Variants in ALG9 observed in about 807,000 individuals in gnomAD.
The protein encoded by ALG9 is ALG9 alpha-1,2-mannosyltransferase.
ALG9 carries 55 observed loss-of-function variants against 81.8 expected under a neutral mutation model. That is an observed-to-expected ratio of 0.67 (90% CI 0.54 to 0.84). The LOEUF is 0.84. Ranked by LOEUF, ALG9 falls within the 40% of genes least tolerant of loss-of-function variation. ALG9 has a pLI of 0.00. For synonymous variants in ALG9, 278 were observed against 274.3 expected, an observed-to-expected ratio of 1.01 and a Z score of -0.13; for missense variants, 629 against 745.0, an observed-to-expected ratio of 0.84 and a Z score of 1.81.
intron 8 of ALG9, among the ~76,000 whole-genome samples, chr11:111,848,396 G>C (rs1001942232): frequency 2.0e-5 from 3 of 151,946 alleles, no homozygotes; most frequent in East Asian, 1.9e-4. Flanking sequence ...GGAACAGTTC[G>C]TGACCAGCTT....
At chr11:111,865,365 T>G in intron 3 of ALG9, 114 bp from the exon 4 acceptor site, 1 of 795,288 alleles carries the variant, frequency 1.3e-6, no homozygotes, top group South Asian at 1.7e-5. Flanking sequence ...TATAATTCTT[T>G]TGAAAAGCAA....
At chr11:111,871,290 C>A in intron 1 of ALG9, 62 bp downstream of exon 1, 1 of 1,367,430 alleles carries the variant, frequency 7.3e-7, no homozygotes. Flanking sequence ...CTAAGACCCT[C>A]CCGGGGGCAG....
chr11:111,850,987 ACTCTTT>A (rs1555137504), intron 8 of ALG9, among the ~76,000 whole-genome samples: 1 of 152,030 alleles, frequency 6.6e-6, no homozygotes, highest in Non-Finnish European at 1.5e-5. Context: ...AGTCCCAAGG[ACTCTTT>A]CCCTGTTAAA....
chr11:111,820,900 C>A lies in ALG9; in HGVS notation c.1603-11127G>T, dbSNP rs531909795. Among the ~76,000 whole-genome samples the A allele has an allele frequency of 5.5e-5, 8 of 146,304 alleles. No individual in the cohort carries two copies. In the East Asian group the frequency reaches 1.5e-3, roughly 27 times the overall value. On this transcript the variant is annotated intron_variant, in intron 13 of 14. Transcript: ENST00000616540. ...AGACCAGCCTGGGAACATAGTGAGACCCTGTCTCCAAACACGCGCGCACAC... is the reference window on the plus strand; with the variant it reads ...AGACCAGCCTGGGAACATAGTGAGAACCTGTCTCCAAACACGCGCGCACAC...
intron 9 of ALG9, among the ~76,000 whole-genome samples, chr11:111,844,362 A>T (rs1956660296): frequency 6.6e-6 from 1 of 152,176 alleles, no homozygotes; most frequent in African/African-American, 2.4e-5. Flanking sequence ...AATTATATTG[A>T]CTTCCTCACT....
At chr11:111,857,825 T>C in intron 5 of ALG9, 88 bp from the exon 6 acceptor site, 1 of 1,452,974 alleles carries the variant, frequency 6.9e-7, no homozygotes, top group South Asian at 1.2e-5. Flanking sequence ...AAAATTTACC[T>C]ACATTATAAA....
At chr11:111,805,492 T>C (rs1949784758) in intron 14 of ALG9, among the ~76,000 whole-genome samples, 1 of 152,224 alleles carries the variant, frequency 6.6e-6, no homozygotes, top group South Asian at 2.1e-4. Context: ...AGAAATAAGC[T>C]ATTAAGCCAT....
chr11:111,865,240 A>G lies in ALG9; in HGVS notation c.417T>C (p.Phe139=). ...RILQTNKILV[F]YFLRCLLAFV... ...AAGCCAGAAGACATCGCAAAAAGTA[A>G]AACACAAGAATCTAAAAGAAACCCA... Residue 139 remains phenylalanine (F), a synonymous_variant, in exon 4 of 15, where the codon TTT becomes TTC. Coordinates refer to ENST00000616540, the MANE Select transcript of ALG9 (RefSeq NM_024740.2). 3 of 1,552,296 alleles carry G rather than the reference A, an allele frequency of 1.9e-6. No homozygotes were observed. Among genetic ancestry groups the G allele is most frequent in the Non-Finnish European group, 2.6e-6 (3 of 1,147,458 alleles).
the ALG9 span, among the ~76,000 whole-genome samples, chr11:111,770,224 GAC>G: frequency 6.6e-6 from 1 of 152,174 alleles, no homozygotes; most frequent in African/African-American, 2.4e-5. Context: ...CTCCAACCCA[GAC>G]CTACTGAATT....
chr11:111,805,957 A>C (rs150484163), intron 14 of ALG9, among the ~76,000 whole-genome samples: 54 of 152,200 alleles, frequency 3.5e-4, no homozygotes, highest in African/African-American at 1.1e-3. Context: ...CCCAGGTTCA[A>C]GCAATTCTCA....
At chr11:111,819,585 G>A (rs923784114) in intron 13 of ALG9, among the ~76,000 whole-genome samples, 1 of 152,258 alleles carries the variant, frequency 6.6e-6, no homozygotes, top group African/African-American at 2.4e-5. Context: ...CCACAGCTAA[G>A]TAAAATTTGG....
chr11:111,815,216 T>C (rs574563945), intron 13 of ALG9, among the ~76,000 whole-genome samples: 3 of 152,240 alleles, frequency 2.0e-5, no homozygotes, highest in Non-Finnish European at 4.4e-5. Context: ...CTGAGCAACA[T>C]AGTGACAGCT....
At chr11:111,824,570 G>C (rs576929578) in intron 13 of ALG9, among the ~76,000 whole-genome samples, 92 of 152,326 alleles carry the variant, frequency 6.0e-4, no homozygotes, top group Middle Eastern at 3.4e-3. Context: ...CAAAGCGTAA[G>C]TAAAAAGTAA....
chr11:111,849,856 T>C (rs1279059557), intron 8 of ALG9: 1 of 152,220 alleles, frequency 6.6e-6, no homozygotes, highest in Non-Finnish European at 1.5e-5. Flanking sequence ...TACAGCACAA[T>C]GCATTTTTAA....
At chr11:111,815,612 G>T (rs1951364731) in intron 13 of ALG9, among the ~76,000 whole-genome samples, 1 of 152,158 alleles carries the variant, frequency 6.6e-6, no homozygotes, top group Non-Finnish European at 1.5e-5. Flanking sequence ...TATTAGAAAA[G>T]GAGTTCAAAG....
intron 13 of ALG9, 82 bp from the exon 14 acceptor site, chr11:111,809,855 A>C: frequency 3.3e-6 from 5 of 1,509,812 alleles, no homozygotes; most frequent in Non-Finnish European, 4.6e-6. Flanking sequence ...AATCCTAAAA[A>C]TTTACAGAGC....
chr11:111,798,291 G>A (rs569657003), intron 14 of ALG9: 1 of 203,314 alleles, frequency 4.9e-6, no homozygotes, highest in African/African-American at 2.4e-5. Context: ...GACATATAAT[G>A]AAGGAGGACA....
chr11:111,777,714 T>C (rs1466156261), downstream of ALG9, among the ~76,000 whole-genome samples: 1 of 152,106 alleles, frequency 6.6e-6, no homozygotes, highest in African/African-American at 2.4e-5. Context: ...TTCATACATG[T>C]AGCACTGAAA....
intron 13 of ALG9, among the ~76,000 whole-genome samples, chr11:111,830,586 T>G (rs949956424): frequency 6.6e-6 from 1 of 152,346 alleles, no homozygotes; most frequent in Middle Eastern, 3.4e-3. Flanking sequence ...CTTAGTAGAC[T>G]CTAATCTAAT....
Sources: gnomAD v4.1 joint callset for allele counts (sites outside exome capture counted in the v4.1 genomes callset) on GRCh38, gnomAD v4.1.1 for gene constraint, MANE v1.5 for transcripts, NCBI Gene and HGNC (gene_info 2026-07-23, HGNC 2026-07-21) for gene names.